The following PDCD11 variants were observed in gnomAD, a reference collection of about 807,000 sequenced individuals.
The protein encoded by PDCD11 is programmed cell death 11, also known as protein RRP5 homolog.
In PDCD11, 97 loss-of-function variants were observed where a neutral mutation model predicts 198.9. The ratio of observed to expected loss-of-function variants is 0.49; its 90% confidence interval spans 0.41 to 0.58. PDCD11 has a LOEUF of 0.58. Ranked by LOEUF, PDCD11 falls within the 20% of genes least tolerant of loss-of-function variation. PDCD11 has a pLI of 0.00. For missense variants in PDCD11, 2,102 were observed against 2,312.7 expected (o/e 0.91, Z 1.87); for synonymous variants, 893 against 918.0 (o/e 0.97, Z 0.49).
intron 8 of PDCD11, among the ~76,000 whole-genome samples, chr10:103,410,436 T>A (rs1592117647): frequency 6.6e-6 from 1 of 152,114 alleles, no homozygotes; most frequent in Admixed American, 6.6e-5. Context: ...ATATTTAACA[T>A]AGGAGAATAA....
chr10:103,434,767 C>G lies in PDCD11; in HGVS notation c.3668-31C>G, dbSNP rs1592137887. ...CCGCTCCTCCCTTAGCTCATTTCCT[C>G]TTCCCTGAATCAGGTTGGTTCTTCC... On this transcript the variant is annotated intron_variant, in intron 24 of 35. Transcript: ENST00000369797. 13 of 1,581,444 alleles carry G rather than the reference C, an allele frequency of 8.2e-6. No individual in the cohort carries two copies. The East Asian group carries it at 3.0e-4, about 36-fold the overall frequency.
At chr10:103,405,944 C>T (rs764619147) in intron 5 of PDCD11, 41 bp from the exon 6 acceptor site, 4 of 1,606,446 alleles carry the variant, frequency 2.5e-6, no homozygotes, top group South Asian at 1.1e-5. Flanking sequence ...TGTCCCATTA[C>T]CTTTGAATTG....
At chr10:103,443,118 C>A in intron 32 of PDCD11, 47 bp from the exon 33 acceptor site, 1 of 1,508,820 alleles carries the variant, frequency 6.6e-7, no homozygotes, top group East Asian at 2.3e-5. Flanking sequence ...GGGCGGGAGG[C>A]TCACTGGTTT....
chr10:103,401,994 C>T (rs994559283), intron 3 of PDCD11, among the ~76,000 whole-genome samples: 8 of 151,996 alleles, frequency 5.3e-5, no homozygotes, highest in Admixed American at 2.6e-4. Context: ...TGCCCGCCTC[C>T]GCCTCCCAAA....
intron 25 of PDCD11, among the ~76,000 whole-genome samples, chr10:103,436,053 A>G (rs1341577655): frequency 6.9e-6 from 1 of 145,216 alleles, no homozygotes; most frequent in East Asian, 2.1e-4. Context: ...TTTGAGATAG[A>G]GTCTCGCTCT....
chr10:103,416,512 G>A lies in PDCD11; in HGVS notation c.1540G>A (p.Ala514Thr). 6.2e-7 allele frequency: 1 copy of A among 1,614,126 alleles called. No individual in the cohort carries two copies. Among genetic ancestry groups the A allele is most frequent in the Non-Finnish European group, 8.5e-7 (1 of 1,180,014 alleles). Residue 514 changes from alanine to threonine, a missense_variant, in exon 13 of 36, where the codon GCC (alanine) becomes ACC (threonine). Physicochemically the swap from Ala to Thr is moderately conservative, Grantham distance 58. Coordinates refer to ENST00000369797, the MANE Select transcript of PDCD11 (RefSeq NM_014976.2). ...KCRVLLCDPE[A>T]KKLMMTLKKT... ...CTAGGTTTTGCTTTGTGACCCTGAA[G>A]CCAAGAAGCTGATGATGACCCTGAA...
Position 103,434,857 on chromosome 10 carries a change from A to G in PDCD11, c.3727A>G (p.Asn1243Asp). The G allele has an allele frequency of 6.2e-7, 1 of 1,613,060 alleles. No individual in the cohort carries two copies. Among genetic ancestry groups the G allele is most frequent in the Non-Finnish European group, 8.5e-7 (1 of 1,179,578 alleles). ...GGGCCGAGTGGTGAAGGTGACTCCC[A>G]ACGAGGGGCTGACCGTCTCCTTCCC... ...AMGRVVKVTPNEGLTVSFPFG... is the reference protein window; with the variant it reads ...AMGRVVKVTPDEGLTVSFPFG... Residue 1243 changes from asparagine (N) to aspartate (D), a missense_variant, in exon 25 of 36, where the codon AAC becomes GAC. Physicochemically the swap from Asn to Asp is conservative, Grantham distance 23 (BLOSUM62 1). Transcript: ENST00000369797.
At chr10:103,407,844 G>A (rs1488649728) in intron 7 of PDCD11, among the ~76,000 whole-genome samples, 4 of 151,616 alleles carry the variant, frequency 2.6e-5, no homozygotes, top group South Asian at 2.1e-4. Flanking sequence ...TCAGCCTCCC[G>A]AGTAGCTGGG....
At position 103,418,571 on chromosome 10, in the gene PDCD11, T is replaced by C; in HGVS notation, c.2043T>C (p.His681=). The C allele has an allele frequency of 6.2e-7, 1 of 1,614,184 alleles. No homozygotes were observed. Among genetic ancestry groups the C allele is most frequent in the Non-Finnish European group, 8.5e-7 (1 of 1,180,014 alleles). The change falls in exon 15 of 36, where the codon CAT becomes CAC. Residue 681 remains histidine (H), a synonymous_variant. Coordinates refer to ENST00000369797, the MANE Select transcript of PDCD11 (RefSeq NM_014976.2). ...DHVANGPLLH[H]WLQAGDILHR... The stretch of plus-strand genomic sequence containing the variant: ...TTGCCAACGGCCCATTGTTACATCA[T>C]TGGCTCCAGGCAGGTGACATCCTTC...
At chr10:103,444,361 C>T (rs2032511600) in intron 34 of PDCD11, 156 bp from the exon 35 acceptor site, 1 of 737,286 alleles carries the variant, frequency 1.4e-6, no homozygotes, top group Non-Finnish European at 2.2e-6. Context: ...TATTTGGCCC[C>T]AAACCCACCC....
chr10:103,442,988 G>A (rs2032453208), intron 32 of PDCD11, among the ~76,000 whole-genome samples, 177 bp from the exon 33 acceptor site: 1 of 152,180 alleles, frequency 6.6e-6, no homozygotes, highest in South Asian at 2.1e-4. Flanking sequence ...GTTGGGGCAG[G>A]GGTTTCTAAT....
At position 103,440,229 on chromosome 10, in the gene PDCD11, C is replaced by A. The variant is rs1279316607; in HGVS notation, c.4149-61C>A. On this transcript the variant is annotated intron_variant, in intron 28 of 35. Coordinates refer to ENST00000369797, the MANE Select transcript of PDCD11 (RefSeq NM_014976.2). Reference sequence around the variant, plus strand: ...CTGATCAGGAGGAAAAAGGCCTGGGCCGCCTGTGGTGCCCTCTGCTTTTTA... The same window carrying A: ...CTGATCAGGAGGAAAAAGGCCTGGGACGCCTGTGGTGCCCTCTGCTTTTTA... 6 of 1,543,772 alleles carry A rather than the reference C, an allele frequency of 3.9e-6. No individual in the cohort carries two copies. The African/African-American group carries it at 6.9e-5, about 18-fold the overall frequency.
chr10:103,405,927 TTG>T, intron 5 of PDCD11, 56 bp from the exon 6 acceptor site: 1 of 1,580,594 alleles, frequency 6.3e-7, no homozygotes, highest in Non-Finnish European at 8.7e-7. Flanking sequence ...TTTGGATGTT[TTG>T]TGTGTGTCCC....
chr10:103,419,953 C>CTTTT (rs35847749), intron 16 of PDCD11, among the ~76,000 whole-genome samples: 29 of 97,348 alleles, frequency 3.0e-4, no homozygotes, highest in African/African-American at 4.1e-4. Context: ...ACATGCCAGG[C>CTTTT]TTTTTTTTTT....
At position 103,433,368 on chromosome 10, in the gene PDCD11, G is replaced by A. The variant is rs536560277; in HGVS notation, c.3475-580G>A. Reference sequence around the variant, plus strand: ...AAATTTAGCCGGGCCTGGGGCGTGCGCGCCTGTAATCCCAGCTACCCTGGA... The same window carrying A: ...AAATTTAGCCGGGCCTGGGGCGTGCACGCCTGTAATCCCAGCTACCCTGGA... On this transcript the variant is annotated intron_variant, in intron 22 of 35. Transcript: ENST00000369797. 9.9e-4 allele frequency among the ~76,000 whole-genome samples: 151 copies of A among 152,128 alleles called. 1 individual carries two copies. The highest frequency in any genetic ancestry group is 1.6e-3 in the Non-Finnish European group (107 of 68,002).
chr10:103,417,076 T>C (rs1027751471), intron 13 of PDCD11, among the ~76,000 whole-genome samples: 2 of 152,218 alleles, frequency 1.3e-5, no homozygotes, highest in African/African-American at 4.8e-5. Flanking sequence ...AGTCTTGGTA[T>C]CACTAGGAAA....
intron 2 of PDCD11, among the ~76,000 whole-genome samples, 199 bp from the exon 3 acceptor site, chr10:103,400,198 G>T (rs975928098): frequency 2.0e-5 from 3 of 151,224 alleles, no homozygotes; most frequent in Non-Finnish European, 2.9e-5. Context: ...TCAGACCTTG[G>T]GCAGAGGGAA....
intron 17 of PDCD11, 149 bp from the exon 18 acceptor site, chr10:103,422,839 A>C: frequency 1.8e-6 from 1 of 555,928 alleles, no homozygotes; most frequent in East Asian, 3.5e-5. Flanking sequence ...GTTTTCATGG[A>C]TACTGAACAT....
At chr10:103,419,926 A>C (rs1362846518) in intron 16 of PDCD11, among the ~76,000 whole-genome samples, 3 of 138,546 alleles carry the variant, frequency 2.2e-5, no homozygotes, top group Admixed American at 7.2e-5. Flanking sequence ...AGTAGCTGGG[A>C]TTACAGGTGC....
Sources: allele counts gnomAD v4.1 joint callset (sites outside exome capture counted in the v4.1 genomes callset), GRCh38; gene constraint gnomAD v4.1.1; transcripts MANE v1.5; gene names NCBI Gene and HGNC (gene_info 2026-07-23, HGNC 2026-07-21).